Variants in PAK2 observed in about 807,000 individuals in gnomAD.
The protein encoded by PAK2 is p21 (RAC1) activated kinase 2, also known as serine/threonine-protein kinase PAK 2.
Under a neutral mutation model 65.9 loss-of-function variants are expected in PAK2, and 21 were observed. The observed-to-expected ratio is 0.32, with a 90% confidence interval of 0.23 to 0.46. The LOEUF (loss-of-function observed/expected upper bound fraction) is 0.46. Among genes scored for constraint, PAK2 ranks in the 20% least tolerant of loss-of-function variants. The pLI, the probability that PAK2 is intolerant of heterozygous loss-of-function variation, is 1.00. For missense variants in PAK2, 324 were observed against 642.6 expected, an observed-to-expected ratio of 0.50 and a Z score of 5.36; for synonymous variants, 204 against 219.7, an observed-to-expected ratio of 0.93 and a Z score of 0.63.
intron 1 of PAK2, among the ~76,000 whole-genome samples, chr3:196,752,983 AATT>A (rs1713657619): frequency 1.4e-5 from 2 of 147,142 alleles, no homozygotes; most frequent in African/African-American, 2.5e-5. Context: ...GAGAAAAAAA[AATT>A]TTTTTTTTTT....
At position 196,753,726 on chromosome 3, in the gene PAK2, A is replaced by G. The variant is rs142142938; in HGVS notation, c.-22+13569A>G. 3.6e-3 allele frequency among the ~76,000 whole-genome samples: 554 copies of G among 152,260 alleles called. 2 individuals are homozygous for G. Among genetic ancestry groups the G allele is most frequent in the Non-Finnish European group, 4.2e-3 (284 of 68,008 alleles). The stretch of plus-strand genomic sequence containing the variant: ...TCAGAAATTCTGTTGATGTTGTTCT[A>G]TCGCCTTGCATTAATCATTTTGTTT... On this transcript the variant is annotated intron_variant, in intron 1 of 14. Transcript: ENST00000327134.
chr3:196,789,417 A>C (rs13092376), intron 2 of PAK2, among the ~76,000 whole-genome samples: 49,992 of 151,996 alleles, frequency 0.33, 8,879 homozygotes, highest in Non-Finnish European at 0.4. Context: ...TATTTCCTAG[A>C]GGAGTGGTCC....
intron 13 of PAK2, 149 bp from the exon 14 acceptor site, chr3:196,827,047 A>C (rs1439500045): frequency 4.4e-6 from 2 of 457,686 alleles, no homozygotes; most frequent in Non-Finnish European, 7.9e-6. Context: ...GAAAGTATCA[A>C]ATCTAAATTT....
At chr3:196,752,752 C>T (rs1713644182) in intron 1 of PAK2, among the ~76,000 whole-genome samples, 1 of 152,070 alleles carries the variant, frequency 6.6e-6, no homozygotes, top group African/African-American at 2.4e-5. Flanking sequence ...AGGCGTGTAC[C>T]ACCACGCCTG....
At chr3:196,752,416 G>C (rs1233899287) in intron 1 of PAK2, among the ~76,000 whole-genome samples, 1 of 152,104 alleles carries the variant, frequency 6.6e-6, no homozygotes, top group Non-Finnish European at 1.5e-5. Flanking sequence ...GCCTGAAAAA[G>C]AAAATTGTTT....
At chr3:196,789,519 A>T (rs1248000497) in intron 2 of PAK2, among the ~76,000 whole-genome samples, 1 of 151,270 alleles carries the variant, frequency 6.6e-6, no homozygotes, top group Non-Finnish European at 1.5e-5. Context: ...CTGGAATGCA[A>T]TGGCGTGGTC....
At chr3:196,744,247 A>G (rs59035025) in intron 1 of PAK2, among the ~76,000 whole-genome samples, 8,188 of 152,286 alleles carry the variant, frequency 0.054, 347 homozygotes, top group African/African-American at 0.12. Flanking sequence ...ATATTAAATA[A>G]GAAATTTGGA....
intron 2 of PAK2, among the ~76,000 whole-genome samples, chr3:196,787,559 A>G (rs1180984996): frequency 6.7e-6 from 1 of 149,416 alleles, no homozygotes; most frequent in Non-Finnish European, 1.5e-5. Context: ...AGCCTGGGCG[A>G]CAGAGCGAGA....
intron 1 of PAK2, among the ~76,000 whole-genome samples, chr3:196,753,125 AT>A (rs1392983924): frequency 6.6e-6 from 1 of 151,352 alleles, no homozygotes; most frequent in Non-Finnish European, 1.5e-5. Context: ...CGCCTGGCTA[AT>A]TTTTGTATTT....
chr3:196,740,956 G>A (rs1265589366), intron 1 of PAK2, among the ~76,000 whole-genome samples: 1 of 152,138 alleles, frequency 6.6e-6, no homozygotes, highest in East Asian at 1.9e-4. Flanking sequence ...GTGGGTGTGA[G>A]GTTGTACCCA....
chr3:196,785,545 CA>C (rs1714858786), intron 2 of PAK2, among the ~76,000 whole-genome samples: 1 of 152,120 alleles, frequency 6.6e-6, no homozygotes, highest in African/African-American at 2.4e-5. Context: ...CCTGATTACT[CA>C]AAAAACTGAG....
chr3:196,772,602 T>C (rs753853118), intron 1 of PAK2, among the ~76,000 whole-genome samples: 2 of 152,196 alleles, frequency 1.3e-5, no homozygotes, highest in Non-Finnish European at 2.9e-5. Context: ...GTGGGACTGA[T>C]GTTATGGCCA....
intron 1 of PAK2, among the ~76,000 whole-genome samples, chr3:196,779,858 A>G (rs1714649829): frequency 6.6e-6 from 1 of 152,146 alleles, no homozygotes; most frequent in Non-Finnish European, 1.5e-5. Flanking sequence ...TTTCGTAGAG[A>G]CAGGGTTTTA....
intron 7 of PAK2, among the ~76,000 whole-genome samples, chr3:196,809,980 A>G (rs1244405613): frequency 1.3e-5 from 2 of 152,028 alleles, no homozygotes; most frequent in African/African-American, 2.4e-5. Context: ...CCTAAAACAA[A>G]CATATGATTA....
At chr3:196,759,524 T>TTTTTTTTTTTTTG (rs1713890890) in intron 1 of PAK2, among the ~76,000 whole-genome samples, 1 of 134,832 alleles carries the variant, frequency 7.4e-6, no homozygotes, top group Non-Finnish European at 1.6e-5. Context: ...TTTTTTTTTT[T>TTTTTTTTTTTTTG]TTTTTTTTTT....
chr3:196,762,877 A>T (rs1714032153), intron 1 of PAK2, among the ~76,000 whole-genome samples: 1 of 152,182 alleles, frequency 6.6e-6, no homozygotes, highest in Non-Finnish European at 1.5e-5. Flanking sequence ...GATGGATGGG[A>T]CTGTATCATT....
At chr3:196,747,514 A>G (rs745425022) in intron 1 of PAK2, among the ~76,000 whole-genome samples, 3 of 152,120 alleles carry the variant, frequency 2.0e-5, no homozygotes, top group Non-Finnish European at 2.9e-5. Flanking sequence ...CTATTCACTC[A>G]TATTTTCTTT....
chr3:196,795,033 T>C (rs1217615076), intron 2 of PAK2, among the ~76,000 whole-genome samples: 1 of 152,172 alleles, frequency 6.6e-6, no homozygotes, highest in Non-Finnish European at 1.5e-5. Flanking sequence ...TCATACTTCT[T>C]TGAAAAATGG....
intron 1 of PAK2, among the ~76,000 whole-genome samples, chr3:196,740,650 C>G (rs1713159819): frequency 6.6e-6 from 1 of 152,146 alleles, no homozygotes; most frequent in Non-Finnish European, 1.5e-5. Flanking sequence ...TTTCTCAGCT[C>G]CAGCCTGTAA....
Sources: allele counts gnomAD v4.1 joint callset (sites outside exome capture counted in the v4.1 genomes callset), GRCh38; gene constraint gnomAD v4.1.1; transcripts MANE v1.5; gene names NCBI Gene and HGNC (gene_info 2026-07-23, HGNC 2026-07-21).